The following MARCHF11 variants were observed in gnomAD, a reference collection of about 807,000 sequenced individuals.
MARCHF11 encodes membrane associated ring-CH-type finger 11.
A neutral mutation model predicts 37.3 loss-of-function variants in MARCHF11; 29 were observed. That is an observed-to-expected ratio of 0.78 (90% confidence interval 0.58 to 1.06). The LOEUF is 1.06. Among genes scored for constraint, MARCHF11 ranks in the 50% least tolerant of loss-of-function variants. MARCHF11 has a pLI of 0.00. For missense variants in MARCHF11, 482 were observed against 533.4 expected (o/e 0.90, Z 0.95); for synonymous variants, 233 against 228.0 (o/e 1.02, Z -0.20).
intron 3 of MARCHF11, among the ~76,000 whole-genome samples, chr5:16,088,085 C>G (rs1359596823): frequency 6.6e-6 from 1 of 152,182 alleles, no homozygotes; most frequent in Non-Finnish European, 1.5e-5. Context: ...GAGCCAATCT[C>G]ACATCTTCCC....
intron 2 of MARCHF11, among the ~76,000 whole-genome samples, chr5:16,172,719 A>G (rs1738290784): frequency 6.6e-6 from 1 of 152,178 alleles, no homozygotes; most frequent in Admixed American, 6.5e-5. Context: ...CATCCTACTA[A>G]CAATCAGTTC....
At chr5:16,096,691 G>C (rs944403604) in intron 2 of MARCHF11, among the ~76,000 whole-genome samples, 1 of 152,200 alleles carries the variant, frequency 6.6e-6, no homozygotes, top group Non-Finnish European at 1.5e-5. Context: ...AGAAAGCTAT[G>C]AATTTTCTTT....
intron 2 of MARCHF11, among the ~76,000 whole-genome samples, chr5:16,099,352 A>G (rs139788079): frequency 2.0e-5 from 3 of 152,324 alleles, no homozygotes; most frequent in Non-Finnish European, 4.4e-5. Flanking sequence ...TATAACCCAT[A>G]AAAGAGAGGG....
intron 2 of MARCHF11, 40 bp downstream of exon 2, chr5:16,177,686 C>G: frequency 3.9e-6 from 6 of 1,549,356 alleles, no homozygotes; most frequent in Non-Finnish European, 4.4e-6. Flanking sequence ...TTCATGTTAA[C>G]AAAATTATTT....
At chr5:16,121,365 C>A (rs1579393801) in intron 2 of MARCHF11, among the ~76,000 whole-genome samples, 1 of 152,212 alleles carries the variant, frequency 6.6e-6, no homozygotes, top group East Asian at 1.9e-4. Flanking sequence ...AGAGCCAGGA[C>A]TTTCTTTCGT....
chr5:16,151,502 C>T (rs1737886506), intron 2 of MARCHF11, among the ~76,000 whole-genome samples: 1 of 151,554 alleles, frequency 6.6e-6, no homozygotes, highest in Non-Finnish European at 1.5e-5. Context: ...TTCCCAGAAA[C>T]CATTCCCTTG....
chr5:16,123,416 G>A (rs1275734825), intron 2 of MARCHF11, among the ~76,000 whole-genome samples: 1 of 152,110 alleles, frequency 6.6e-6, no homozygotes, highest in Non-Finnish European at 1.5e-5. Flanking sequence ...GCCCTCAGAA[G>A]GAAACAATTT....
At chr5:16,171,718 C>T (rs1738269633) in intron 2 of MARCHF11, among the ~76,000 whole-genome samples, 1 of 152,092 alleles carries the variant, frequency 6.6e-6, no homozygotes, top group Admixed American at 6.5e-5. Context: ...GAGGAAAAGC[C>T]TTCTAACCAC....
intron 3 of MARCHF11, among the ~76,000 whole-genome samples, chr5:16,082,193 G>C (rs1736621205): frequency 6.6e-6 from 1 of 152,210 alleles, no homozygotes; most frequent in African/African-American, 2.4e-5. Flanking sequence ...AAGCATGAAG[G>C]ATCCGAGGCA....
Position 16,090,930 on chromosome 5 carries a change from A to T in MARCHF11, c.845T>A (p.Ile282Asn). The T allele has an allele frequency of 6.2e-7, 1 of 1,610,912 alleles. No homozygotes were observed. The highest frequency in any genetic ancestry group is 8.5e-7 in the Non-Finnish European group (1 of 1,179,210). Residue 282 changes from isoleucine (I) to asparagine (N), a missense_variant, in exon 3 of 4, where the codon ATC (isoleucine) becomes AAC (asparagine). Ile to Asn is a moderately radical substitution (Grantham distance 149). Coordinates refer to ENST00000332432, the MANE Select transcript of MARCHF11 (RefSeq NM_001102562.3). ...CATAAAACCATACATTCCATAGCAG[A>T]TCTGAAAAAGGATGTCCTTCCTCTG... ...VWQRKDILFQICYGMYGFMDL... is the reference protein window; with the variant it reads ...VWQRKDILFQNCYGMYGFMDL...
chr5:16,098,099 G>T (rs1245692084), intron 2 of MARCHF11, among the ~76,000 whole-genome samples: 1 of 152,140 alleles, frequency 6.6e-6, no homozygotes, highest in Non-Finnish European at 1.5e-5. Context: ...AGTAGATGTG[G>T]TAAAATCATT....
At chr5:16,141,881 G>A (rs771876453) in intron 2 of MARCHF11, among the ~76,000 whole-genome samples, 3 of 152,150 alleles carry the variant, frequency 2.0e-5, no homozygotes, top group East Asian at 1.9e-4. Flanking sequence ...ATTGCCTCAC[G>A]GCATGAGGAC....
chr5:16,127,863 A>G (rs1050582668), intron 2 of MARCHF11, among the ~76,000 whole-genome samples: 1 of 152,192 alleles, frequency 6.6e-6, no homozygotes, highest in African/African-American at 2.4e-5. Flanking sequence ...AACGGGGTCA[A>G]TGGAGAAGAT....
intron 2 of MARCHF11, among the ~76,000 whole-genome samples, chr5:16,096,645 G>A (rs182879875): frequency 1.4e-3 from 218 of 152,276 alleles, no homozygotes; most frequent in South Asian, 7.7e-3. Context: ...AATTAATGGA[G>A]GTTTATTACT....
intron 3 of MARCHF11, among the ~76,000 whole-genome samples, chr5:16,078,648 C>T (rs1031940387): frequency 2.6e-5 from 4 of 152,154 alleles, no homozygotes; most frequent in Admixed American, 2.6e-4. Flanking sequence ...CCCAGAGGGG[C>T]AGGGTTCGTT....
At chr5:16,105,707 T>C (rs1737028531) in intron 2 of MARCHF11, among the ~76,000 whole-genome samples, 1 of 152,152 alleles carries the variant, frequency 6.6e-6, no homozygotes. Flanking sequence ...TTGAAGCATC[T>C]ATAGAAGTTC....
chr5:16,177,729 G>T lies in MARCHF11; in HGVS notation c.690C>A (p.Cys230Ter). The T allele has an allele frequency of 1.2e-6, 2 of 1,600,220 alleles. No individual in the cohort carries two copies. The highest frequency in any genetic ancestry group is 1.7e-6 in the Non-Finnish European group (2 of 1,174,202). Residue 230 changes from cysteine to a stop codon, truncating the protein, a stop_gained, in exon 2 of 4, where the codon TGC (cysteine) becomes TGA (stop). Transcript: ENST00000332432. LOFTEE classifies it high-confidence loss of function. Reference sequence around the variant, plus strand: ...AATAAATGTTGAAACTGCTTACCTGGCAAGGTTGTTTCATTTTAATGGCTA... The same window carrying T: ...AATAAATGTTGAAACTGCTTACCTGTCAAGGTTGTTTCATTTTAATGGCTA... ...HVIAIKMKQP[C>*]QWQSISITLV... is the part of the protein sequence containing the mutation.
At chr5:16,148,448 T>C (rs74521745) in intron 2 of MARCHF11, among the ~76,000 whole-genome samples, 8,720 of 152,158 alleles carry the variant, frequency 0.057, 677 homozygotes, top group African/African-American at 0.18. Flanking sequence ...CTGGTACCAA[T>C]TTCCAAACCT....
At chr5:16,108,312 G>A (rs1282750159) in intron 2 of MARCHF11, among the ~76,000 whole-genome samples, 4 of 152,152 alleles carry the variant, frequency 2.6e-5, no homozygotes, top group Admixed American at 6.5e-5. Context: ...TCCCCCTCCC[G>A]TAAGGGGTTT....
Sources: allele counts gnomAD v4.1 joint callset (sites outside exome capture counted in the v4.1 genomes callset), GRCh38; gene constraint gnomAD v4.1.1; transcripts MANE v1.5; gene names NCBI Gene and HGNC (gene_info 2026-07-23, HGNC 2026-07-21).